Variants in CDYL2 observed in about 807,000 individuals in gnomAD.
CDYL2 encodes chromodomain Y like 2.
Under a neutral mutation model 49.4 loss-of-function variants are expected in CDYL2, and 23 were observed. The observed-to-expected ratio is 0.47, with a 90% confidence interval of 0.34 to 0.66. The LOEUF is 0.66. CDYL2 is among the 30% of genes least tolerant of loss of function. The probability of loss-of-function intolerance (pLI) is 0.01; values close to 1 mark genes in which losing one functional copy is unlikely to be tolerated. For missense variants in CDYL2, 678 were observed against 656.4 expected, an observed-to-expected ratio of 1.03 and a Z score of -0.36; for synonymous variants, 360 against 268.8, an observed-to-expected ratio of 1.34 and a Z score of -3.32.
intron 1 of CDYL2, among the ~76,000 whole-genome samples, chr16:80,757,074 G>T (rs543106724): frequency 2.0e-5 from 3 of 152,114 alleles, no homozygotes; most frequent in Non-Finnish European, 4.4e-5. Flanking sequence ...GTAAAAAAAT[G>T]CTAGCCTACC....
chr16:80,660,096 C>G (rs1283415044), intron 2 of CDYL2, among the ~76,000 whole-genome samples: 7 of 151,914 alleles, frequency 4.6e-5, no homozygotes, highest in African/African-American at 1.5e-4. Flanking sequence ...CCAGCTAAAG[C>G]AGCATTTAAA....
intron 1 of CDYL2, among the ~76,000 whole-genome samples, chr16:80,723,582 A>G (rs1438860272): frequency 5.3e-5 from 8 of 152,194 alleles, no homozygotes; most frequent in Non-Finnish European, 1.2e-4. Flanking sequence ...TACTGATTCC[A>G]CAGGATAGTC....
intron 1 of CDYL2, among the ~76,000 whole-genome samples, chr16:80,716,357 C>G (rs1904798265): frequency 6.6e-6 from 1 of 152,180 alleles, no homozygotes. Flanking sequence ...CCAAGACTTA[C>G]CACAGCTCCT....
chr16:80,691,691 A>G (rs1910421655), intron 1 of CDYL2, among the ~76,000 whole-genome samples: 1 of 152,248 alleles, frequency 6.6e-6, no homozygotes, highest in Non-Finnish European at 1.5e-5. Flanking sequence ...CAATCACACC[A>G]GTGAAGAGTA....
chr16:80,803,634 C>G (rs1907997984), intron 1 of CDYL2, among the ~76,000 whole-genome samples: 1 of 144,054 alleles, frequency 6.9e-6, no homozygotes, highest in Non-Finnish European at 1.5e-5. Context: ...CCCGCCTCGC[C>G]CCGGCCAGGC....
At chr16:80,733,068 A>G (rs939533926) in intron 1 of CDYL2, among the ~76,000 whole-genome samples, 1 of 152,090 alleles carries the variant, frequency 6.6e-6, no homozygotes, top group African/African-American at 2.4e-5. Context: ...AATGTAGCCT[A>G]TATCTACTGA....
At chr16:80,616,242 A>T (rs1468579409) in intron 4 of CDYL2, among the ~76,000 whole-genome samples, 1 of 152,220 alleles carries the variant, frequency 6.6e-6, no homozygotes, top group Admixed American at 6.5e-5. Flanking sequence ...GTAAAATGGG[A>T]AAATCAATGA....
Position 80,601,577 on chromosome 16 carries a change from A to C in CDYL2, c.*2811T>G, listed in dbSNP as rs928817510. ...TGAAAGTCTGAGCTCTGTCTCAGGA[A>C]AGCTATTAGGATAAACCCTGACACA... is the stretch of plus-strand genomic sequence containing the variant. On this transcript the variant is annotated 3_prime_UTR_variant, in exon 7 of 7. Transcript: ENST00000570137. The C allele has an allele frequency of 6.6e-6, 1 of 152,144 alleles. No homozygotes were observed. Among genetic ancestry groups the C allele is most frequent in the East Asian group, 1.9e-4 (1 of 5,190 alleles). 9.4% of individuals were successfully genotyped at this position (152,144 alleles called of 1,614,324 possible).
intron 1 of CDYL2, among the ~76,000 whole-genome samples, chr16:80,750,824 C>G (rs1014321296): frequency 4.6e-5 from 7 of 152,134 alleles, no homozygotes; most frequent in African/African-American, 1.7e-4. Flanking sequence ...TCGAGACCAT[C>G]GTGGCTAAAC....
chr16:80,649,664 C>G (rs1181286258), intron 2 of CDYL2, among the ~76,000 whole-genome samples: 1 of 152,074 alleles, frequency 6.6e-6, no homozygotes, highest in African/African-American at 2.4e-5. Context: ...CCAATGCTAT[C>G]CTAAGCAAAA....
intron 2 of CDYL2, among the ~76,000 whole-genome samples, chr16:80,663,883 T>C (rs977595904): frequency 2.0e-5 from 3 of 152,226 alleles, no homozygotes; most frequent in Non-Finnish European, 4.4e-5. Context: ...TGAGCCACTA[T>C]GCCCCGCCTA....
intron 3 of CDYL2, among the ~76,000 whole-genome samples, chr16:80,625,986 A>G (rs1907279890): frequency 6.6e-6 from 1 of 152,150 alleles, no homozygotes; most frequent in South Asian, 2.1e-4. Context: ...ACAAAAACTG[A>G]CCTGCAAGGA....
intron 2 of CDYL2, among the ~76,000 whole-genome samples, chr16:80,672,901 A>G (rs1054979450): frequency 3.3e-5 from 5 of 152,232 alleles, no homozygotes; most frequent in Non-Finnish European, 5.9e-5. Flanking sequence ...ATTGGGCACT[A>G]GGAAGGCTCA....
At chr16:80,693,384 A>G (rs1288207819) in intron 1 of CDYL2, among the ~76,000 whole-genome samples, 1 of 152,244 alleles carries the variant, frequency 6.6e-6, no homozygotes, top group Non-Finnish European at 1.5e-5. Flanking sequence ...TAAGGTCTAT[A>G]TTGCAAAAGA....
At chr16:80,646,317 CA>C (rs1908343788) in intron 2 of CDYL2, among the ~76,000 whole-genome samples, 1 of 151,852 alleles carries the variant, frequency 6.6e-6, no homozygotes. Context: ...AAATCATAAC[CA>C]GACAAAAATC....
At chr16:80,658,668 T>C (rs560102975) in intron 2 of CDYL2, among the ~76,000 whole-genome samples, 2 of 152,330 alleles carry the variant, frequency 1.3e-5, no homozygotes, top group East Asian at 3.9e-4. Flanking sequence ...TTCATGATTT[T>C]AAAAATTATA....
intron 2 of CDYL2, among the ~76,000 whole-genome samples, chr16:80,655,933 A>G (rs1208747061): frequency 6.6e-6 from 1 of 152,152 alleles, no homozygotes; most frequent in Non-Finnish European, 1.5e-5. Context: ...GCTGTGAGAA[A>G]CAGAACATGT....
At position 80,804,398 on chromosome 16, in the gene CDYL2, C is replaced by T; in HGVS notation, c.-225G>A. 6.2e-6 allele frequency: 1 copy of T among 161,878 alleles called. No individual in the cohort carries two copies. The highest frequency in any genetic ancestry group is 1.3e-5 in the Non-Finnish European group (1 of 79,710). 10.0% of individuals were successfully genotyped at this position (161,878 alleles called of 1,614,324 possible). ...GGGCTGGCGTAACCGGCAGCAGCGG[C>T]GGCGGCGGCGGCGGCGGCACGAGCG... On this transcript the variant is annotated 5_prime_UTR_variant, in exon 1 of 7. Coordinates refer to ENST00000570137, the MANE Select transcript of CDYL2 (RefSeq NM_152342.4).
At chr16:80,653,230 C>A (rs1482164940) in intron 2 of CDYL2, among the ~76,000 whole-genome samples, 1 of 152,160 alleles carries the variant, frequency 6.6e-6, no homozygotes, top group Non-Finnish European at 1.5e-5. Flanking sequence ...CTTTGGGAGG[C>A]CAAGGCAGGC....
Sources: gnomAD v4.1 joint callset for allele counts (sites outside exome capture counted in the v4.1 genomes callset) on GRCh38, gnomAD v4.1.1 for gene constraint, MANE v1.5 for transcripts, NCBI Gene and HGNC (gene_info 2026-07-23, HGNC 2026-07-21) for gene names.